The following JUP variants were observed in gnomAD, a reference collection of about 807,000 sequenced individuals.
JUP encodes junction plakoglobin, also known as catenin (cadherin-associated protein), gamma 80kDa.
In JUP, 28 loss-of-function variants were observed where a neutral mutation model predicts 71.1. That is an observed-to-expected ratio of 0.39 (90% CI 0.29 to 0.54). The LOEUF (loss-of-function observed/expected upper bound fraction) is 0.54. JUP is among the 20% of genes least tolerant of loss of function. The probability of loss-of-function intolerance (pLI) is 0.62; values close to 1 mark genes in which losing one functional copy is unlikely to be tolerated. For missense variants in JUP, 869 were observed against 1,030.1 expected, an observed-to-expected ratio of 0.84 and a Z score of 2.14; for synonymous variants, 401 against 438.9, an observed-to-expected ratio of 0.91 and a Z score of 1.08.
intron 1 of JUP, among the ~76,000 whole-genome samples, chr17:41,781,671 C>G (rs1282652244): frequency 6.6e-6 from 1 of 152,194 alleles, no homozygotes; most frequent in South Asian, 2.1e-4. Context: ...ACTGCCAGGT[C>G]GCTCTTCTCC....
At position 41,758,178 on chromosome 17, in the gene JUP, G is replaced by GT. The variant is rs150430167; in HGVS notation, c.1773+220dup. On this transcript the variant is annotated intron_variant, in intron 10 of 13. Coordinates refer to ENST00000393931, the MANE Select transcript of JUP (RefSeq NM_002230.4). ...TGAATCTCAAGTTTTTTTGTTTTTT[G>GT]TTTTTTTTTTCCATTTGTGATCTCT... 0.028 allele frequency: 13,756 copies of GT among 489,032 alleles called. 27 individuals are homozygous for GT. The highest frequency in any genetic ancestry group is 0.034 in the African/African-American group (1,693 of 50,370). 30.3% of individuals were successfully genotyped at this position (489,032 alleles called of 1,614,324 possible). A position where few individuals can be genotyped will look rare whatever the true frequency, so the allele number is the denominator to read the frequency against.
At chr17:41,771,426 C>T in intron 2 of JUP, 1 of 603,160 alleles carries the variant, frequency 1.7e-6, no homozygotes, top group Non-Finnish European at 3.0e-6. Context: ...CCTTCCCTCC[C>T]TACTGATGGT....
rs1913537647 is a variant in JUP at position 41,755,455 on chromosome 17, CAG to C, written c.*287_*288del. 4 of 426,316 alleles carry C rather than the reference CAG, an allele frequency of 9.4e-6. No homozygotes were observed. Among genetic ancestry groups the C allele is most frequent in the African/African-American group, 8.1e-5 (4 of 49,276 alleles). 26.4% of individuals were successfully genotyped at this position (426,316 alleles called of 1,614,324 possible). A position where few individuals can be genotyped will look rare whatever the true frequency, so the allele number is the denominator to read the frequency against. On this transcript the variant is annotated 3_prime_UTR_variant, in exon 14 of 14. Transcript: ENST00000393931. ...CACCTGTTAGGGGAGCGGGGACAGACAGGGGTCAGGGGCTCGGTGGACCTGCA... is the reference window on the plus strand; with the variant it reads ...CACCTGTTAGGGGAGCGGGGACAGACGGGTCAGGGGCTCGGTGGACCTGCA...
At position 41,755,600 on chromosome 17, in the gene JUP, G is replaced by A. The variant is rs1183190344; in HGVS notation, c.*144C>T. ...AGAAGAAGGCAGGCCAGGGCACACCGTGCTTGGGGAAGCTCAGCAGCAAAG... is the reference window on the plus strand; with the variant it reads ...AGAAGAAGGCAGGCCAGGGCACACCATGCTTGGGGAAGCTCAGCAGCAAAG... On this transcript the variant is annotated 3_prime_UTR_variant, in exon 14 of 14. Coordinates refer to ENST00000393931, the MANE Select transcript of JUP (RefSeq NM_002230.4). The A allele has an allele frequency of 1.5e-5, 12 of 789,086 alleles. No homozygotes were observed. The highest frequency in any genetic ancestry group is 3.1e-5 in the Admixed American group (1 of 32,462). 48.9% of individuals were successfully genotyped at this position (789,086 alleles called of 1,614,324 possible).
At chr17:41,773,517 G>A (rs1457242595) in intron 1 of JUP, among the ~76,000 whole-genome samples, 2 of 152,186 alleles carry the variant, frequency 1.3e-5, no homozygotes, top group Non-Finnish European at 2.9e-5. Context: ...GACCCCAGAC[G>A]ACAGGCTCGG....
At chr17:41,762,403 T>C (rs141032991) in intron 8 of JUP, among the ~76,000 whole-genome samples, 280 of 152,008 alleles carry the variant, frequency 1.8e-3, no homozygotes, top group African/African-American at 6.5e-3. Context: ...TTTTCTTTTC[T>C]TTTAAGACAC....
intron 7 of JUP, among the ~76,000 whole-genome samples, chr17:41,764,028 G>A (rs149566365): frequency 6.6e-6 from 1 of 152,152 alleles, no homozygotes; most frequent in African/African-American, 2.4e-5. Context: ...CTAACCCCAG[G>A]TTGAATGAGC....
chr17:41,783,274 T>C (rs2047261596), intron 1 of JUP, among the ~76,000 whole-genome samples: 1 of 143,900 alleles, frequency 6.9e-6, no homozygotes, highest in South Asian at 2.2e-4. Flanking sequence ...AGAATGCGAA[T>C]AATGATACGC....
intron 1 of JUP, among the ~76,000 whole-genome samples, chr17:41,776,451 C>T (rs898622299): frequency 3.3e-5 from 5 of 152,208 alleles, no homozygotes; most frequent in African/African-American, 1.2e-4. Context: ...CGCAGTGGCT[C>T]GTGCCTATAA....
At chr17:41,774,858 T>A (rs1597845818) in intron 1 of JUP, among the ~76,000 whole-genome samples, 1 of 151,548 alleles carries the variant, frequency 6.6e-6, no homozygotes, top group Non-Finnish European at 1.5e-5. Context: ...ATCCCAGCAC[T>A]TTGGGAGGCC....
At chr17:41,775,001 G>A (rs1426971302) in intron 1 of JUP, among the ~76,000 whole-genome samples, 1 of 152,010 alleles carries the variant, frequency 6.6e-6, no homozygotes, top group Non-Finnish European at 1.5e-5. Context: ...TACTCGGGAG[G>A]CTGGGGCGGG....
In JUP at chr17:41,763,237, G is replaced by C. The variant is rs1168386805; in HGVS notation, c.1243C>G (p.Leu415Val). The change falls in exon 8 of 14, where the codon CTC (leucine) becomes GTC (valine). Residue 415 changes from leucine (L) to valine (V), a missense_variant. Transcript: ENST00000393931. The stretch of plus-strand genomic sequence containing the variant: ...CTGTTGTTGCATGTCAGGTTGGAGA[G>C]TGTGCCCGTGGCACAGGTGAGGACG... ...VNVLTCATGT[L>V]SNLTCNNSKN... is the part of the protein sequence containing the mutation. 1.9e-6 allele frequency: 3 copies of C among 1,614,074 alleles called. No homozygotes were observed. Among genetic ancestry groups the C allele is most frequent in the Non-Finnish European group, 2.5e-6 (3 of 1,180,008 alleles).
In JUP at chr17:41,755,069, T is replaced by C. The variant is rs1555596745; in HGVS notation, c.*675A>G. On this transcript the variant is annotated 3_prime_UTR_variant, in exon 14 of 14. Coordinates refer to ENST00000393931, the MANE Select transcript of JUP (RefSeq NM_002230.4). ...TGGAGGCCCTGGGGGCTTAGGGCAG[T>C]TGGTCGGTGGAGTTCAGTGAGAAAA... The C allele has an allele frequency of 3.1e-5, 12 of 384,248 alleles. No individual in the cohort carries two copies. The highest frequency in any genetic ancestry group is 6.2e-5 in the African/African-American group (3 of 48,424). The allele number at this position is 384,248 out of a possible 1,614,324, so 23.8% of individuals were successfully genotyped here. A position where few individuals can be genotyped will look rare whatever the true frequency, so the allele number is the denominator to read the frequency against.
intron 1 of JUP, chr17:41,775,901 C>G: frequency 2.2e-6 from 2 of 895,320 alleles, no homozygotes; most frequent in Non-Finnish European, 2.7e-6. Context: ...AGAGGGCTGG[C>G]ACCGGGCACC....
At position 41,758,727 on chromosome 17, in the gene JUP, C is replaced by T. The variant is rs1555599694; in HGVS notation, c.1641G>A (p.Gln547=). ...DAQRHVAAGT[Q]QPYTDGVRME... is the part of the protein sequence containing the mutation. ...CCAGCTCACATACCGTGTAGGGCTG[C>T]TGTGTGCCTGCAGCTACGTGGCGCT... The change falls in exon 9 of 14, where the codon CAG becomes CAA. Residue 547 remains glutamine, a synonymous_variant. Transcript: ENST00000393931. The T allele has an allele frequency of 6.2e-7, 1 of 1,601,896 alleles. No homozygotes were observed.
At position 41,759,917 on chromosome 17, in the gene JUP, T is replaced by C. The variant is rs79830160; in HGVS notation, c.1498-1047A>G. Among the ~76,000 whole-genome samples the C allele has an allele frequency of 2.6e-3, 401 of 152,166 alleles. 2 individuals are homozygous for C. The highest frequency in any genetic ancestry group is 9.2e-3 in the African/African-American group (384 of 41,554). ...TTTTCTAAACATGAATTTTCTTTTT[T>C]TAATTCAATGTATAGGCCGGGCGCA... On this transcript the variant is annotated intron_variant, in intron 8 of 13. Coordinates refer to ENST00000393931, the MANE Select transcript of JUP (RefSeq NM_002230.4).
At chr17:41,765,796 A>T (rs992177110) in intron 5 of JUP, among the ~76,000 whole-genome samples, 1 of 152,244 alleles carries the variant, frequency 6.6e-6, no homozygotes, top group Non-Finnish European at 1.5e-5. Context: ...TCTGGAAATC[A>T]ATCTGGCCAT....
In JUP at chr17:41,765,183, C is replaced by T. The variant is rs911148281; in HGVS notation, c.910-116G>A. 2.2e-5 allele frequency: 23 copies of T among 1,025,944 alleles called. No homozygotes were observed. In the Admixed American group the frequency reaches 3.7e-4, roughly 17 times the overall value. The allele number at this position is 1,025,944 out of a possible 1,614,324, so 63.6% of individuals were successfully genotyped here. A position where few individuals can be genotyped will look rare whatever the true frequency, so the allele number is the denominator to read the frequency against. ...AGCTTCAGCTAAAGCACGAATAGTT[C>T]GTTTTTTTCTTTTAATGTATTTTTT... On this transcript the variant is annotated intron_variant, in intron 5 of 13. Coordinates refer to ENST00000393931, the MANE Select transcript of JUP (RefSeq NM_002230.4).
rs182596752 is a variant in JUP at position 41,758,974 on chromosome 17, C to G, written c.1498-104G>C. 4.3e-5 allele frequency: 51 copies of G among 1,188,240 alleles called. 1 individual carries two copies. In the African/African-American group the frequency reaches 6.7e-4, roughly 16 times the overall value. 73.6% of individuals were successfully genotyped at this position (1,188,240 alleles called of 1,614,324 possible). ...TTCCCTCCTTCACCTCTTCTGTCCC[C>G]GAGGCCAGACACAGACATACTGGAA... On this transcript the variant is annotated intron_variant, in intron 8 of 13. Transcript: ENST00000393931.
Sources: gnomAD v4.1 joint callset for allele counts (sites outside exome capture counted in the v4.1 genomes callset) on GRCh38, gnomAD v4.1.1 for gene constraint, MANE v1.5 for transcripts, NCBI Gene and HGNC (gene_info 2026-07-23, HGNC 2026-07-21) for gene names.